The following ARID4B variants were observed in gnomAD, a reference collection of about 807,000 sequenced individuals.
The protein encoded by ARID4B is AT-rich interactive domain-containing protein 4B.
Under a neutral mutation model 147.5 loss-of-function variants are expected in ARID4B, and 26 were observed. The observed-to-expected ratio is 0.18, with a 90% CI of 0.13 to 0.24. The LOEUF is 0.24. Among genes scored for constraint, ARID4B ranks in the 10% least tolerant of loss-of-function variants. The probability of loss-of-function intolerance (pLI) is 1.00; values close to 1 mark genes in which losing one functional copy is unlikely to be tolerated. For synonymous variants in ARID4B, 512 were observed against 507.9 expected, an observed-to-expected ratio of 1.01 and a Z score of -0.11; for missense variants, 1,179 against 1,511.5, an observed-to-expected ratio of 0.78 and a Z score of 3.65.
chr1:235,300,029 A>T (rs955605911), intron 2 of ARID4B, among the ~76,000 whole-genome samples: 8 of 152,150 alleles, frequency 5.3e-5, no homozygotes, highest in African/African-American at 1.9e-4. Context: ...GCTCCCCCAT[A>T]AAAGAAACCC....
At chr1:235,326,437 T>TA (rs538167362) in intron 2 of ARID4B, among the ~76,000 whole-genome samples, 20 of 152,278 alleles carry the variant, frequency 1.3e-4, no homozygotes, top group East Asian at 3.9e-4. Flanking sequence ...CTGAATTGTG[T>TA]AAAAAATCAC....
intron 17 of ARID4B, among the ~76,000 whole-genome samples, chr1:235,207,414 G>T (rs1203844954): frequency 6.6e-6 from 1 of 152,142 alleles, no homozygotes; most frequent in South Asian, 2.1e-4. Flanking sequence ...GAGCTGGAGG[G>T]TTAGATTTAA....
At chr1:235,193,269 C>T (rs982039069) in intron 19 of ARID4B, among the ~76,000 whole-genome samples, 14 of 152,100 alleles carry the variant, frequency 9.2e-5, no homozygotes, top group South Asian at 2.1e-4. Flanking sequence ...TGGTGGCATG[C>T]GCCTGCAGCT....
chr1:235,182,318 TTCTTCA>T lies in ARID4B; in HGVS notation c.2595_2600del (p.Asp865_Glu866del), dbSNP rs758804285. ...TTGGTGTCATCTTTGCTTTTGTTTCTTCTTCATCTTCATCTGAAGAGCTGTTGCTAC... is the reference window on the plus strand; with the variant it reads ...TTGGTGTCATCTTTGCTTTTGTTTCTTCTTCATCTGAAGAGCTGTTGCTAC... On this transcript the variant is annotated inframe_deletion, in exon 20 of 24. Transcript: ENST00000264183. 4 of 1,614,070 alleles carry T rather than the reference TTCTTCA, an allele frequency of 2.5e-6. No homozygotes were observed. The highest frequency in any genetic ancestry group is 3.4e-6 in the Non-Finnish European group (4 of 1,180,020).
chr1:235,197,063 T>A (rs1665558020), intron 17 of ARID4B, among the ~76,000 whole-genome samples: 1 of 152,084 alleles, frequency 6.6e-6, no homozygotes, highest in Admixed American at 6.6e-5. Flanking sequence ...ATGCTGATGG[T>A]CTTCACAATT....
intron 13 of ARID4B, among the ~76,000 whole-genome samples, chr1:235,222,401 T>C (rs963476374): frequency 6.6e-6 from 1 of 152,332 alleles, no homozygotes; most frequent in South Asian, 2.1e-4. Flanking sequence ...ATATTCTCAA[T>C]TGGATAAGTA....
intron 12 of ARID4B, among the ~76,000 whole-genome samples, chr1:235,224,261 G>A (rs1667685107): frequency 6.6e-6 from 1 of 152,192 alleles, no homozygotes; most frequent in African/African-American, 2.4e-5. Flanking sequence ...CAGTGTTGAG[G>A]TTACGGAAGG....
chr1:235,312,976 AAAAAG>A (rs71172300), intron 2 of ARID4B, among the ~76,000 whole-genome samples: 44,135 of 151,342 alleles, frequency 0.29, 7,504 homozygotes, highest in South Asian at 0.52. Context: ...CTGCTTCAAG[AAAAAG>A]AAAAGAAAAG....
intron 2 of ARID4B, among the ~76,000 whole-genome samples, chr1:235,287,855 C>T (rs1416551668): frequency 1.3e-5 from 2 of 152,214 alleles, no homozygotes; most frequent in East Asian, 1.9e-4. Flanking sequence ...CCACATCCCT[C>T]GGGGACATAA....
chr1:235,267,865 C>A (rs1212409032), intron 2 of ARID4B, among the ~76,000 whole-genome samples: 1 of 151,752 alleles, frequency 6.6e-6, no homozygotes, highest in Non-Finnish European at 1.5e-5. Flanking sequence ...GATCGAGTCA[C>A]TGCACTCCAA....
At chr1:235,250,518 G>A (rs1451226277) in intron 6 of ARID4B, among the ~76,000 whole-genome samples, 1 of 152,290 alleles carries the variant, frequency 6.6e-6, no homozygotes, top group Middle Eastern at 3.4e-3. Flanking sequence ...CTCCAACGGA[G>A]AGTAAGTATC....
intron 13 of ARID4B, among the ~76,000 whole-genome samples, chr1:235,221,899 T>A (rs1224142052): frequency 1.6e-4 from 11 of 70,792 alleles, no homozygotes. Flanking sequence ...TTTTTTTTTT[T>A]TTTTTTTTTT....
chr1:235,248,291 C>G (rs1045176093), intron 6 of ARID4B, among the ~76,000 whole-genome samples: 5 of 152,180 alleles, frequency 3.3e-5, no homozygotes, highest in African/African-American at 1.2e-4. Flanking sequence ...CTCAAGCCAT[C>G]TGCCCAACTC....
chr1:235,293,567 G>A (rs1473009825), intron 2 of ARID4B, among the ~76,000 whole-genome samples: 3 of 152,004 alleles, frequency 2.0e-5, no homozygotes, highest in Non-Finnish European at 2.9e-5. Flanking sequence ...AGTATAAATT[G>A]TAAGCAAAAG....
At chr1:235,304,353 TA>T (rs202118784) in intron 2 of ARID4B, among the ~76,000 whole-genome samples, 1 of 149,592 alleles carries the variant, frequency 6.7e-6, no homozygotes, top group Non-Finnish European at 1.5e-5. Context: ...GTCCCGAAAA[TA>T]AAAAAAAAGA....
In ARID4B at chr1:235,167,015, A is replaced by C. The variant is rs1663012614; in HGVS notation, c.*1510T>G. The C allele has an allele frequency of 5.5e-6, 1 of 181,964 alleles. No homozygotes were observed. Among genetic ancestry groups the C allele is most frequent in the Admixed American group, 6.3e-5 (1 of 15,946 alleles). 11.3% of individuals were successfully genotyped at this position (181,964 alleles called of 1,614,324 possible). A position where few individuals can be genotyped will look rare whatever the true frequency, so the allele number is the denominator to read the frequency against. ...TATACTTTATAGCTTTTATTCTATA[A>C]GCTTTTTTCTTCAACATTTTGCTGT... is the stretch of plus-strand genomic sequence containing the variant. On this transcript the variant is annotated 3_prime_UTR_variant, in exon 24 of 24. Coordinates refer to ENST00000264183, the MANE Select transcript of ARID4B (RefSeq NM_016374.6).
At chr1:235,211,332 A>AGGAAGGAG (rs555096873) in intron 17 of ARID4B, among the ~76,000 whole-genome samples, 2 of 152,264 alleles carry the variant, frequency 1.3e-5, no homozygotes, top group African/African-American at 2.4e-5. Context: ...ACTCCGTGGA[A>AGGAAGGAG]GGAAGGAGGG....
chr1:235,243,746 A>G (rs974973877), intron 7 of ARID4B, among the ~76,000 whole-genome samples: 13 of 152,288 alleles, frequency 8.5e-5, no homozygotes, highest in African/African-American at 3.1e-4. Flanking sequence ...AAATCAGTTT[A>G]CTCAGTTTCA....
chr1:235,262,245 A>G (rs141868770), intron 2 of ARID4B, among the ~76,000 whole-genome samples: 2 of 151,614 alleles, frequency 1.3e-5, no homozygotes, highest in African/African-American at 2.4e-5. Flanking sequence ...AGAAAAAGGG[A>G]AAAAAACAAT....
Sources: gnomAD v4.1 joint callset for allele counts (sites outside exome capture counted in the v4.1 genomes callset) on GRCh38, gnomAD v4.1.1 for gene constraint, MANE v1.5 for transcripts, NCBI Gene and HGNC (gene_info 2026-07-23, HGNC 2026-07-21) for gene names.